The following BCKDHB variants were observed in gnomAD, a reference collection of about 807,000 sequenced individuals.
BCKDHB encodes the protein branched chain keto acid dehydrogenase E1 subunit beta, also known as 2-oxoisovalerate dehydrogenase subunit beta, mitochondrial.
Under a neutral mutation model 48.5 loss-of-function variants are expected in BCKDHB, and 41 were observed. That is an observed-to-expected ratio of 0.85 (90% CI 0.66 to 1.10). The LOEUF (loss-of-function observed/expected upper bound fraction) is 1.10, where lower values mean the gene tolerates loss of function less well. Ranked by LOEUF, BCKDHB falls within the 50% of genes least tolerant of loss-of-function variation. BCKDHB has a pLI of 0.00. For missense variants in BCKDHB, 496 were observed against 494.2 expected, an observed-to-expected ratio of 1.00 and a Z score of -0.03; for synonymous variants, 201 against 174.8, an observed-to-expected ratio of 1.15 and a Z score of -1.18.
chr6:80,374,821 A>T, the BCKDHB span, among the ~76,000 whole-genome samples: 1 of 152,076 alleles, frequency 6.6e-6, no homozygotes, highest in African/African-American at 2.4e-5. Context: ...ACTTTTTTTT[A>T]GCAGTACTTG....
At chr6:80,447,382 A>C in the BCKDHB span, among the ~76,000 whole-genome samples, 232 of 151,910 alleles carry the variant, frequency 1.5e-3, no homozygotes, top group African/African-American at 4.9e-3. Context: ...GCAATAATGC[A>C]TGATAAGCAT....
chr6:80,275,330 C>G (rs931318265), intron 9 of BCKDHB, among the ~76,000 whole-genome samples: 1 of 152,042 alleles, frequency 6.6e-6, no homozygotes, highest in African/African-American at 2.4e-5. Flanking sequence ...AAATCCCCTG[C>G]CTTCCACGAG....
At chr6:80,438,791 G>A in the BCKDHB span, among the ~76,000 whole-genome samples, 1 of 152,178 alleles carries the variant, frequency 6.6e-6, no homozygotes, top group Non-Finnish European at 1.5e-5. Context: ...ATCTGTGTTT[G>A]TTGTATTTGA....
chr6:80,321,984 A>G (rs1203448224), intron 9 of BCKDHB, among the ~76,000 whole-genome samples: 1 of 152,162 alleles, frequency 6.6e-6, no homozygotes, highest in African/African-American at 2.4e-5. Flanking sequence ...TCTGAGCACA[A>G]GAGAAGCAAT....
At chr6:80,407,096 C>T in the BCKDHB span, among the ~76,000 whole-genome samples, 1 of 152,112 alleles carries the variant, frequency 6.6e-6, no homozygotes, top group Non-Finnish European at 1.5e-5. Flanking sequence ...TTCCCAGTAC[C>T]ATTTATTAAA....
At chr6:80,221,094 C>A (rs1775430254) in intron 8 of BCKDHB, among the ~76,000 whole-genome samples, 1 of 152,124 alleles carries the variant, frequency 6.6e-6, no homozygotes, top group Non-Finnish European at 1.5e-5. Context: ...GGAAGTGGAG[C>A]AATTGATACA....
chr6:80,187,086 A>G (rs1773678108), intron 6 of BCKDHB, among the ~76,000 whole-genome samples: 1 of 152,148 alleles, frequency 6.6e-6, no homozygotes, highest in African/African-American at 2.4e-5. Context: ...GTGAGTCTCC[A>G]CACACTGTTC....
At chr6:80,374,610 C>T in the BCKDHB span, 1 of 578,822 alleles carries the variant, frequency 1.7e-6, no homozygotes, top group Non-Finnish European at 3.2e-6. Flanking sequence ...AAGAGCCATT[C>T]TATATCTTTT....
the BCKDHB span, among the ~76,000 whole-genome samples, chr6:80,367,856 G>T: frequency 6.6e-6 from 1 of 152,238 alleles, no homozygotes; most frequent in Admixed American, 6.5e-5. Flanking sequence ...ATTGCACATA[G>T]TGCTTCTCCT....
rs893740373 is a variant in BCKDHB, at chr6:80,203,004, C to A, written c.841-98C>A. 5 of 855,722 alleles carry A rather than the reference C, an allele frequency of 5.8e-6. No individual in the cohort carries two copies. The African/African-American group carries it at 6.7e-5, about 11-fold the overall frequency. The allele number at this position is 855,722 out of a possible 1,614,324, so 53.0% of individuals were successfully genotyped here. A position where few individuals can be genotyped will look rare whatever the true frequency, so the allele number is the denominator to read the frequency against. On this transcript the variant is annotated intron_variant, in intron 7 of 9. Coordinates refer to ENST00000320393, the MANE Select transcript of BCKDHB (RefSeq NM_183050.4). The stretch of plus-strand genomic sequence containing the variant: ...TCTCCATGCAGATCAGTTCCTGAGA[C>A]TTTAAATACTGTCTCTAATAGTGAC...
At chr6:80,210,060 ATTGT>A (rs1156287514) in intron 8 of BCKDHB, among the ~76,000 whole-genome samples, 1 of 149,480 alleles carries the variant, frequency 6.7e-6, no homozygotes, top group African/African-American at 2.5e-5. Context: ...ATTTTGGAAA[ATTGT>A]TTGGCAGTAT....
intron 1 of BCKDHB, among the ~76,000 whole-genome samples, chr6:80,122,424 C>T (rs555822077): frequency 1.3e-5 from 2 of 151,986 alleles, no homozygotes; most frequent in Non-Finnish European, 1.5e-5. Flanking sequence ...CAGAAGGTGT[C>T]GGGGGAACCC....
chr6:80,409,169 G>A, the BCKDHB span, among the ~76,000 whole-genome samples: 9 of 152,018 alleles, frequency 5.9e-5, no homozygotes, highest in East Asian at 1.9e-4. Context: ...CAGTTTCCAT[G>A]TAGTTGTAGT....
the BCKDHB span, among the ~76,000 whole-genome samples, chr6:80,357,304 A>G: frequency 6.6e-6 from 1 of 152,102 alleles, no homozygotes; most frequent in Non-Finnish European, 1.5e-5. Flanking sequence ...ATGGGAGAGG[A>G]GCTGCCAGAT....
At chr6:80,156,847 CGTT>C (rs1772067449) in intron 3 of BCKDHB, among the ~76,000 whole-genome samples, 1 of 152,070 alleles carries the variant, frequency 6.6e-6, no homozygotes, top group Non-Finnish European at 1.5e-5. Flanking sequence ...AGCAGAAAAC[CGTT>C]GTTCATTATG....
chr6:80,393,835 T>C, the BCKDHB span, among the ~76,000 whole-genome samples: 2 of 152,194 alleles, frequency 1.3e-5, no homozygotes, highest in Non-Finnish European at 2.9e-5. Flanking sequence ...TATTCCTCTT[T>C]CTTGGTTTAT....
intron 8 of BCKDHB, among the ~76,000 whole-genome samples, chr6:80,222,057 C>T (rs565596897): frequency 6.6e-6 from 1 of 152,062 alleles, no homozygotes; most frequent in South Asian, 2.1e-4. Flanking sequence ...GTGTATGTAC[C>T]CATTACCCAA....
the BCKDHB span, among the ~76,000 whole-genome samples, chr6:80,372,966 A>G: frequency 6.6e-6 from 1 of 152,078 alleles, no homozygotes; most frequent in East Asian, 1.9e-4. Context: ...GGCTTCATAG[A>G]ATGATTTAGG....
chr6:80,466,256 C>T, the BCKDHB span, among the ~76,000 whole-genome samples: 6 of 152,122 alleles, frequency 3.9e-5, no homozygotes, highest in Non-Finnish European at 8.8e-5. Context: ...TATACTTACA[C>T]ATATATTTAT....
Sources: allele counts gnomAD v4.1 joint callset (sites outside exome capture counted in the v4.1 genomes callset), GRCh38; gene constraint gnomAD v4.1.1; transcripts MANE v1.5; gene names NCBI Gene and HGNC (gene_info 2026-07-23, HGNC 2026-07-21).